The following MSRA variants were observed in gnomAD, a reference collection of about 807,000 sequenced individuals.
MSRA encodes the protein methionine sulfoxide reductase A, also known as mitochondrial peptide methionine sulfoxide reductase.
Under a neutral mutation model 31.3 loss-of-function variants are expected in MSRA, and 54 were observed. The ratio of observed to expected loss-of-function variants is 1.73; its 90% CI spans 1.39 to 2.17. MSRA has a LOEUF of 2.17. Among genes scored for constraint, MSRA ranks in the 30% most tolerant of loss-of-function variants. The probability of loss-of-function intolerance (pLI) is 0.00; values close to 1 mark genes in which losing one functional copy is unlikely to be tolerated. For synonymous variants in MSRA, 169 were observed against 116.5 expected (o/e 1.45, Z -2.90); for missense variants, 507 against 300.9 (o/e 1.69, Z -5.07).
At chr8:10,416,889 C>T in intron 5 of MSRA, among the ~76,000 whole-genome samples, 1 of 152,254 alleles carries the variant, frequency 6.6e-6, no homozygotes, top group Non-Finnish European at 1.5e-5. Flanking sequence ...AGAGACACAA[C>T]TCAGCTTGTA....
At chr8:10,072,531 A>G (rs527248222) in intron 1 of MSRA, among the ~76,000 whole-genome samples, 2 of 152,236 alleles carry the variant, frequency 1.3e-5, no homozygotes, top group African/African-American at 4.8e-5. Context: ...CCTTAATATT[A>G]GAGTCATCCC....
intron 5 of MSRA, among the ~76,000 whole-genome samples, chr8:10,357,067 G>C (rs941577919): frequency 6.6e-6 from 1 of 152,072 alleles, no homozygotes; most frequent in Non-Finnish European, 1.5e-5. Flanking sequence ...TGCATCCAGA[G>C]GTGTGGACCA....
intron 1 of MSRA, among the ~76,000 whole-genome samples, chr8:10,060,627 A>G (rs1802660339): frequency 6.7e-6 from 1 of 148,626 alleles, no homozygotes; most frequent in South Asian, 2.1e-4. Context: ...CTTTTGTCAT[A>G]CTTACTTGAA....
intron 1 of MSRA, among the ~76,000 whole-genome samples, chr8:10,059,629 T>A (rs1433025376): frequency 6.6e-6 from 1 of 152,122 alleles, no homozygotes; most frequent in Non-Finnish European, 1.5e-5. Flanking sequence ...TATATCACAG[T>A]AAAAAGACTG....
At chr8:10,406,075 A>G (rs1170762989) in intron 5 of MSRA, among the ~76,000 whole-genome samples, 2 of 152,272 alleles carry the variant, frequency 1.3e-5, no homozygotes, top group South Asian at 2.1e-4. Flanking sequence ...ATTAGTGGGA[A>G]CTAAAGAGTT....
chr8:10,336,011 C>T (rs557442460), intron 5 of MSRA, among the ~76,000 whole-genome samples: 2 of 152,198 alleles, frequency 1.3e-5, no homozygotes, highest in South Asian at 2.1e-4. Flanking sequence ...AGGTAGATTC[C>T]CTCTGGACAT....
chr8:10,284,425 C>T lies in MSRA; in HGVS notation c.332-17109C>T, dbSNP rs1287861962. ...GCCAGGCTGGACTCAAACTCCTCACCTCAAGTGAACCACTTGCCTTGGCCT... is the reference window on the plus strand; with the variant it reads ...GCCAGGCTGGACTCAAACTCCTCACTTCAAGTGAACCACTTGCCTTGGCCT... On this transcript the variant is annotated intron_variant, in intron 3 of 5. Transcript: ENST00000317173. Among the ~76,000 whole-genome samples, 3 of 152,156 alleles carry T rather than the reference C, an allele frequency of 2.0e-5. No individual in the cohort carries two copies. The East Asian group carries it at 5.8e-4, about 29-fold the overall frequency.
chr8:10,166,917 G>C (rs973843550), intron 1 of MSRA, among the ~76,000 whole-genome samples: 1 of 152,168 alleles, frequency 6.6e-6, no homozygotes, highest in African/African-American at 2.4e-5. Context: ...CTGCTCGGGA[G>C]CCATGATGGG....
At chr8:10,203,181 C>T (rs1245321974) in intron 1 of MSRA, among the ~76,000 whole-genome samples, 3 of 152,140 alleles carry the variant, frequency 2.0e-5, no homozygotes, top group African/African-American at 7.2e-5. Flanking sequence ...CTCCCTCCAC[C>T]TTCTCCAATT....
At chr8:10,318,340 C>G (rs558635137) in intron 4 of MSRA, among the ~76,000 whole-genome samples, 49 of 152,244 alleles carry the variant, frequency 3.2e-4, no homozygotes, top group Non-Finnish European at 6.3e-4. Context: ...GCAAAGACCT[C>G]GCACAGGGAA....
chr8:10,163,456 C>T (rs763474947), intron 1 of MSRA, among the ~76,000 whole-genome samples: 2 of 152,220 alleles, frequency 1.3e-5, no homozygotes, highest in South Asian at 4.1e-4. Context: ...CTGCTTGGCC[C>T]GTTTCATCTG....
chr8:10,166,394 G>A (rs1805127081), intron 1 of MSRA, among the ~76,000 whole-genome samples: 1 of 150,788 alleles, frequency 6.6e-6, no homozygotes. Flanking sequence ...GATAGTGTGT[G>A]CTCATATGTG....
At chr8:10,411,495 A>G (rs1306996639) in intron 5 of MSRA, 6 of 124,484 alleles carry the variant, frequency 4.8e-5, no homozygotes, top group Non-Finnish European at 1.0e-4. Flanking sequence ...TTTGAATATA[A>G]TAATAAAAAA....
intron 5 of MSRA, among the ~76,000 whole-genome samples, chr8:10,424,193 C>T (rs1021810683): frequency 6.6e-6 from 1 of 152,184 alleles, no homozygotes; most frequent in Non-Finnish European, 1.5e-5. Flanking sequence ...AAAGGACATT[C>T]CTTGGAGATC....
chr8:10,392,060 G>T (rs1011306421), intron 5 of MSRA, among the ~76,000 whole-genome samples: 2 of 152,156 alleles, frequency 1.3e-5, no homozygotes, highest in African/African-American at 4.8e-5. Flanking sequence ...GGAAGGTTTG[G>T]TGGACCTCAG....
intron 5 of MSRA, among the ~76,000 whole-genome samples, chr8:10,394,078 A>G (rs933375608): frequency 3.3e-5 from 5 of 152,226 alleles, no homozygotes; most frequent in Non-Finnish European, 7.3e-5. Flanking sequence ...GACAGGAACT[A>G]TGAGCTAGAC....
intron 3 of MSRA, among the ~76,000 whole-genome samples, chr8:10,256,238 C>T (rs1585289519): frequency 6.6e-6 from 1 of 152,248 alleles, no homozygotes; most frequent in Non-Finnish European, 1.5e-5. Flanking sequence ...ATGTCCTTTT[C>T]GGATTGGCTT....
intron 1 of MSRA, among the ~76,000 whole-genome samples, chr8:10,153,224 T>C (rs111299214): frequency 6.6e-6 from 1 of 152,306 alleles, no homozygotes; most frequent in Non-Finnish European, 1.5e-5. Context: ...AGCAGATGGC[T>C]GAGAAGTTGG....
intron 1 of MSRA, among the ~76,000 whole-genome samples, chr8:10,197,498 T>C (rs764328177): frequency 6.6e-6 from 1 of 152,094 alleles, no homozygotes; most frequent in Non-Finnish European, 1.5e-5. Context: ...GGGTCGGGCA[T>C]TGCGGGCTGG....
Sources: gnomAD v4.1 joint callset for allele counts (sites outside exome capture counted in the v4.1 genomes callset) on GRCh38, gnomAD v4.1.1 for gene constraint, MANE v1.5 for transcripts, NCBI Gene and HGNC (gene_info 2026-07-23, HGNC 2026-07-21) for gene names.